The following HS3ST4 variants were observed in gnomAD, a reference collection of about 807,000 sequenced individuals.
The protein encoded by HS3ST4 is heparan sulfate glucosamine 3-O-sulfotransferase 4.
A neutral mutation model predicts 29.2 loss-of-function variants in HS3ST4; 17 were observed. That is an observed-to-expected ratio of 0.58 (90% CI 0.40 to 0.87). HS3ST4 has a LOEUF of 0.87. Ranked by LOEUF, HS3ST4 falls within the 40% of genes least tolerant of loss-of-function variation. The probability of loss-of-function intolerance (pLI) is 0.00; values close to 1 mark genes in which losing one functional copy is unlikely to be tolerated. For synonymous variants in HS3ST4, 314 were observed against 285.7 expected (o/e 1.10, Z -1.00); for missense variants, 627 against 634.5 (o/e 0.99, Z 0.13).
chr16:26,022,414 T>C (rs888066540), intron 1 of HS3ST4, among the ~76,000 whole-genome samples: 9 of 152,114 alleles, frequency 5.9e-5, no homozygotes, highest in Admixed American at 2.0e-4. Flanking sequence ...TTACTGAAAA[T>C]TGGGGGAGGG....
intron 1 of HS3ST4, among the ~76,000 whole-genome samples, chr16:25,903,639 C>T (rs1968145181): frequency 6.6e-6 from 1 of 152,032 alleles, no homozygotes. Flanking sequence ...CTTCTTTCTT[C>T]CTTATGCCTG....
intron 1 of HS3ST4, among the ~76,000 whole-genome samples, chr16:26,121,157 G>C (rs1019261880): frequency 6.6e-6 from 1 of 152,184 alleles, no homozygotes; most frequent in South Asian, 2.1e-4. Context: ...AAGTTATTTC[G>C]AGAGAGGATG....
At chr16:25,792,118 C>CT (rs1966870535) in intron 1 of HS3ST4, among the ~76,000 whole-genome samples, 1 of 151,664 alleles carries the variant, frequency 6.6e-6, no homozygotes. Context: ...CTTTTTCACC[C>CT]TTTTTTATTA....
intron 1 of HS3ST4, among the ~76,000 whole-genome samples, chr16:25,904,179 G>C (rs1968156596): frequency 6.6e-6 from 1 of 150,946 alleles, no homozygotes; most frequent in African/African-American, 2.4e-5. Context: ...TGGATGGATG[G>C]ATGGACGGAT....
At chr16:26,107,289 T>A (rs755197442) in intron 1 of HS3ST4, among the ~76,000 whole-genome samples, 10 of 151,612 alleles carry the variant, frequency 6.6e-5, no homozygotes, top group Non-Finnish European at 1.3e-4. Context: ...TTATGTATGT[T>A]TATATATGTG....
intron 1 of HS3ST4, chr16:26,029,071 T>C (rs1969507176): frequency 6.6e-6 from 1 of 152,064 alleles, no homozygotes; most frequent in Non-Finnish European, 1.5e-5. Flanking sequence ...CTATTACTTG[T>C]TGTTTTATTT....
intron 1 of HS3ST4, among the ~76,000 whole-genome samples, chr16:25,991,097 T>C: frequency 6.7e-6 from 1 of 148,578 alleles, no homozygotes; most frequent in African/African-American, 2.6e-5. Flanking sequence ...ATCAATAACA[T>C]TGATACACCG....
chr16:26,022,614 G>A (rs550823935), intron 1 of HS3ST4, among the ~76,000 whole-genome samples: 1 of 151,836 alleles, frequency 6.6e-6, no homozygotes, highest in Admixed American at 6.6e-5. Flanking sequence ...CAGGCAGCAG[G>A]TCAAAATCTG....
At chr16:25,814,878 A>G (rs532551572) in intron 1 of HS3ST4, among the ~76,000 whole-genome samples, 2 of 152,366 alleles carry the variant, frequency 1.3e-5, no homozygotes, top group Non-Finnish European at 2.9e-5. Context: ...TCAGGAAGGC[A>G]TAAGACATAT....
At chr16:25,815,477 C>A (rs1967084407) in intron 1 of HS3ST4, among the ~76,000 whole-genome samples, 1 of 152,160 alleles carries the variant, frequency 6.6e-6, no homozygotes, top group Non-Finnish European at 1.5e-5. Context: ...GCATGTGCCA[C>A]CATGCCCAGC....
intron 1 of HS3ST4, among the ~76,000 whole-genome samples, chr16:25,827,530 T>TCA (rs1555467490): frequency 7.0e-5 from 3 of 42,994 alleles, no homozygotes; most frequent in Non-Finnish European, 1.4e-4. Flanking sequence ...AATGCTGTCT[T>TCA]CACAAAAAAA....
At chr16:26,113,470 A>ATATGTG (rs766908254) in intron 1 of HS3ST4, among the ~76,000 whole-genome samples, 2 of 132,158 alleles carry the variant, frequency 1.5e-5, no homozygotes, top group East Asian at 2.3e-4. Context: ...ACAATATATG[A>ATATGTG]TGTGTGTGTG....
intron 1 of HS3ST4, among the ~76,000 whole-genome samples, chr16:26,101,409 T>A (rs1314904499): frequency 6.6e-6 from 1 of 152,240 alleles, no homozygotes; most frequent in Non-Finnish European, 1.5e-5. Flanking sequence ...TTTCCATGTG[T>A]TCCTGGTCTA....
chr16:26,041,347 A>T (rs1969634586), intron 1 of HS3ST4, among the ~76,000 whole-genome samples: 1 of 151,782 alleles, frequency 6.6e-6, no homozygotes, highest in African/African-American at 2.4e-5. Flanking sequence ...CTTTAAAAAT[A>T]ATAATAATGA....
At chr16:25,927,161 C>T (rs1276545490) in intron 1 of HS3ST4, among the ~76,000 whole-genome samples, 1 of 152,194 alleles carries the variant, frequency 6.6e-6, no homozygotes, top group African/African-American at 2.4e-5. Context: ...TTTCTTTCCA[C>T]ATTGATTCCT....
At chr16:25,998,969 T>C (rs907023263) in intron 1 of HS3ST4, among the ~76,000 whole-genome samples, 3 of 152,226 alleles carry the variant, frequency 2.0e-5, no homozygotes, top group Admixed American at 1.3e-4. Flanking sequence ...AATTCACTTC[T>C]GAAGCTTTCT....
chr16:26,076,254 A>G (rs763518583), intron 1 of HS3ST4, among the ~76,000 whole-genome samples: 5 of 152,250 alleles, frequency 3.3e-5, no homozygotes, highest in Non-Finnish European at 5.9e-5. Flanking sequence ...GGAGACAGGC[A>G]TCCTGGCAAT....
chr16:25,713,660 G>A (rs931448492), intron 1 of HS3ST4, among the ~76,000 whole-genome samples: 2 of 152,166 alleles, frequency 1.3e-5, no homozygotes, highest in South Asian at 2.1e-4. Context: ...TAGGTATGGC[G>A]TAAACATCCA....
rs558012474 is a variant in HS3ST4, at chr16:25,695,836, T to A, written c.734+2685T>A. ...ACTGTTTATTTATTGTTATTTTGTT[T>A]AAATGTGCTTCCAGTAGCCTATGAA... is the stretch of plus-strand genomic sequence containing the variant. On this transcript the variant is annotated intron_variant, in intron 1 of 1. Transcript: ENST00000331351. 1.1e-3 allele frequency among the ~76,000 whole-genome samples: 163 copies of A among 152,342 alleles called. 1 individual carries two copies. Among genetic ancestry groups the A allele is most frequent in the Admixed American group, 4.8e-3 (73 of 15,304 alleles).
Sources: allele counts gnomAD v4.1 joint callset (sites outside exome capture counted in the v4.1 genomes callset), GRCh38; gene constraint gnomAD v4.1.1; transcripts MANE v1.5; gene names NCBI Gene and HGNC (gene_info 2026-07-23, HGNC 2026-07-21).